The following RHPN2 variants were observed in gnomAD, a reference collection of about 807,000 sequenced individuals.
The protein encoded by RHPN2 is rhophilin Rho GTPase binding protein 2.
Under a neutral mutation model 79.0 loss-of-function variants are expected in RHPN2, and 40 were observed. The ratio of observed to expected loss-of-function variants is 0.51; its 90% confidence interval spans 0.39 to 0.66. RHPN2 has a LOEUF of 0.66. Among genes scored for constraint, RHPN2 ranks in the 30% least tolerant of loss-of-function variants. The pLI is 0.00. For synonymous variants in RHPN2, 285 were observed against 363.5 expected (o/e 0.78, Z 2.46); for missense variants, 686 against 883.5 (o/e 0.78, Z 2.83).
chr19:33,036,145 A>G (rs1691475774), intron 2 of RHPN2, among the ~76,000 whole-genome samples: 1 of 151,560 alleles, frequency 6.6e-6, no homozygotes, highest in South Asian at 2.1e-4. Flanking sequence ...AAAAAAGATA[A>G]TAATATCGAT....
intron 1 of RHPN2, 132 bp downstream of exon 1, chr19:33,064,652 C>T (rs1972311724): frequency 2.1e-6 from 2 of 938,162 alleles, no homozygotes; most frequent in Non-Finnish European, 3.1e-6. Flanking sequence ...CCGGCCAGCG[C>T]CGGCCCAGTG....
chr19:33,009,273 G>T (rs888929449), intron 6 of RHPN2, among the ~76,000 whole-genome samples: 36 of 150,638 alleles, frequency 2.4e-4, no homozygotes, highest in African/African-American at 8.8e-4. Flanking sequence ...ATAATGATGT[G>T]TCAGGTAAGT....
At chr19:33,059,663 C>T (rs939746639) in intron 1 of RHPN2, among the ~76,000 whole-genome samples, 1 of 152,068 alleles carries the variant, frequency 6.6e-6, no homozygotes, top group African/African-American at 2.4e-5. Context: ...TCTCTCTTCT[C>T]AGCTCCCCTC....
chr19:33,003,991 G>A (rs112095327), intron 7 of RHPN2, among the ~76,000 whole-genome samples: 3 of 152,142 alleles, frequency 2.0e-5, no homozygotes, highest in Admixed American at 6.6e-5. Flanking sequence ...CCTGGGCAAC[G>A]TACTGAGACC....
At position 33,026,520 on chromosome 19, in the gene RHPN2, C is replaced by T. The variant is rs370875204; in HGVS notation, c.298G>A (p.Val100Ile). The change falls in exon 3 of 15, where the codon GTC becomes ATC. Residue 100 changes from valine (V) to isoleucine (I), a missense_variant. Physicochemically the swap from Val to Ile is conservative, Grantham distance 29. Transcript: ENST00000254260. Reference sequence around the variant, plus strand: ...CCCACTTACTCTGTGTTCTGATAGACGCCCACCGAGATGTTCAGCCCCTCC... The same window carrying T: ...CCCACTTACTCTGTGTTCTGATAGATGCCCACCGAGATGTTCAGCCCCTCC... ...ELEGLNISVGVYQNTEEAFTI... is the reference protein window; with the variant it reads ...ELEGLNISVGIYQNTEEAFTI... The T allele has an allele frequency of 2.5e-5, 40 of 1,607,832 alleles. No individual in the cohort carries two copies. Among genetic ancestry groups the T allele is most frequent in the East Asian group, 4.5e-5 (2 of 44,810 alleles).
chr19:32,993,666 G>A (rs1971678353), intron 12 of RHPN2, among the ~76,000 whole-genome samples: 1 of 152,092 alleles, frequency 6.6e-6, no homozygotes, highest in Admixed American at 6.6e-5. Context: ...GTCTTGGGGT[G>A]GAACCCTCAA....
At chr19:33,046,625 T>C (rs1329477043) in intron 1 of RHPN2, among the ~76,000 whole-genome samples, 3 of 152,194 alleles carry the variant, frequency 2.0e-5, no homozygotes, top group Non-Finnish European at 2.9e-5. Flanking sequence ...CTCTTCAAAG[T>C]GGTTATACAA....
intron 9 of RHPN2, 113 bp from the exon 10 acceptor site, chr19:32,999,818 TTGGGATCA>T (rs1374695726): frequency 7.1e-7 from 1 of 1,407,210 alleles, no homozygotes; most frequent in Non-Finnish European, 9.8e-7. Context: ...CACAAGGCAT[TTGGGATCA>T]TGGGTCTCCT....
At chr19:33,055,014 C>T (rs1435674959) in intron 1 of RHPN2, among the ~76,000 whole-genome samples, 1 of 152,092 alleles carries the variant, frequency 6.6e-6, no homozygotes, top group East Asian at 1.9e-4. Flanking sequence ...GCTGGGCAGA[C>T]CCTCCCCTCT....
intron 2 of RHPN2, among the ~76,000 whole-genome samples, chr19:33,036,141 GATA>G (rs1042137965): frequency 1.3e-5 from 2 of 149,280 alleles, no homozygotes; most frequent in Admixed American, 6.7e-5. Context: ...TAAAAAAAAA[GATA>G]ATAATATCGA....
intron 1 of RHPN2, among the ~76,000 whole-genome samples, chr19:33,046,879 G>A (rs1336048780): frequency 6.6e-6 from 1 of 150,674 alleles, no homozygotes; most frequent in East Asian, 1.9e-4. Flanking sequence ...TTTTGAAACA[G>A]GGTCTCAGTC....
chr19:33,041,104 C>T (rs1456202460), intron 2 of RHPN2, among the ~76,000 whole-genome samples: 1 of 152,158 alleles, frequency 6.6e-6, no homozygotes, highest in East Asian at 1.9e-4. Context: ...TTTCAAGTGC[C>T]TGCCTAGCCA....
At chr19:33,064,485 G>A (rs1366969414) in intron 1 of RHPN2, among the ~76,000 whole-genome samples, 1 of 151,866 alleles carries the variant, frequency 6.6e-6, no homozygotes, top group Non-Finnish European at 1.5e-5. Context: ...GTGGCGGGGG[G>A]TGGGAGGGGG....
At chr19:33,004,094 G>A (rs113909255) in intron 7 of RHPN2, among the ~76,000 whole-genome samples, 1 of 151,980 alleles carries the variant, frequency 6.6e-6, no homozygotes, top group African/African-American at 2.4e-5. Flanking sequence ...ACTGGAGTGC[G>A]GTGGCACAAT....
chr19:33,003,411 C>T (rs1284847866), intron 7 of RHPN2, among the ~76,000 whole-genome samples: 2 of 146,196 alleles, frequency 1.4e-5, no homozygotes, highest in Non-Finnish European at 1.5e-5. Context: ...AAAAAAGAAC[C>T]GGTGTCCTAC....
At chr19:33,018,050 A>G (rs1971892079) in intron 4 of RHPN2, among the ~76,000 whole-genome samples, 1 of 152,094 alleles carries the variant, frequency 6.6e-6, no homozygotes, top group South Asian at 2.1e-4. Flanking sequence ...GCTACTCAGG[A>G]GGCTGAGGCA....
intron 2 of RHPN2, among the ~76,000 whole-genome samples, chr19:33,031,838 G>A (rs948198626): frequency 1.6e-4 from 24 of 150,376 alleles, no homozygotes; most frequent in Non-Finnish European, 2.8e-4. Context: ...TCCTGCCTCA[G>A]CCTCCTGAGT....
At chr19:33,004,838 C>T (rs1426391486) in intron 7 of RHPN2, among the ~76,000 whole-genome samples, 6 of 151,870 alleles carry the variant, frequency 4.0e-5, no homozygotes, top group Admixed American at 3.3e-4. Context: ...CTGCCTGCCT[C>T]GGCCACTGAA....
intron 1 of RHPN2, among the ~76,000 whole-genome samples, chr19:33,059,154 G>A (rs977394980): frequency 4.0e-5 from 6 of 151,794 alleles, no homozygotes; most frequent in Non-Finnish European, 5.9e-5. Flanking sequence ...CACTGCCCCC[G>A]GCTGGCTCAG....
Sources: allele counts gnomAD v4.1 joint callset (sites outside exome capture counted in the v4.1 genomes callset), GRCh38; gene constraint gnomAD v4.1.1; transcripts MANE v1.5; gene names NCBI Gene and HGNC (gene_info 2026-07-23, HGNC 2026-07-21).